TBC1D15: variants seen among roughly 807,000 people sequenced by gnomAD.
TBC1D15 encodes GAP for RAB7.
A neutral mutation model predicts 95.4 loss-of-function variants in TBC1D15; 39 were observed. The ratio of observed to expected loss-of-function variants is 0.41; its 90% CI spans 0.32 to 0.53. TBC1D15 has a LOEUF of 0.53. Ranked by LOEUF, TBC1D15 falls within the 20% of genes least tolerant of loss-of-function variation. The probability of loss-of-function intolerance (pLI) is 0.29; values close to 1 mark genes in which losing one functional copy is unlikely to be tolerated. For missense variants in TBC1D15, 733 were observed against 794.3 expected (o/e 0.92, Z 0.93); for synonymous variants, 258 against 261.3 (o/e 0.99, Z 0.12).
At position 71,893,260 on chromosome 12, in the gene TBC1D15, A is replaced by T. The variant is rs780162356; in HGVS notation, c.593A>T (p.Gln198Leu). Residue 198 changes from glutamine (Q) to leucine (L), a missense_variant, in exon 6 of 17, where the codon CAG (glutamine) becomes CTG (leucine). By Grantham distance (113) the Gln-to-Leu change is moderately radical. Transcript: ENST00000485960. ...QDKRTLLVNCQNKSLSQSFEN... is the reference protein window; with the variant it reads ...QDKRTLLVNCLNKSLSQSFEN... ...AAAAGAACACTTCTTGTGAATTGTC[A>T]GAATAAGAGTCTTTCACAGTCTTTT... 15 of 1,608,648 alleles carry T rather than the reference A, an allele frequency of 9.3e-6. No homozygotes were observed. Among genetic ancestry groups the T allele is most frequent in the Non-Finnish European group, 1.2e-5 (14 of 1,177,598 alleles).
chr12:71,853,316 CCCATAATT>C (rs1300654755), intron 1 of TBC1D15, among the ~76,000 whole-genome samples: 1 of 152,066 alleles, frequency 6.6e-6, no homozygotes, highest in Non-Finnish European at 1.5e-5. Flanking sequence ...AGAAACTGCC[CCCATAATT>C]CCATTACCTC....
At chr12:71,855,432 T>A (rs1241265739) in intron 1 of TBC1D15, among the ~76,000 whole-genome samples, 2 of 152,046 alleles carry the variant, frequency 1.3e-5, no homozygotes, top group Non-Finnish European at 2.9e-5. Flanking sequence ...AATCACAGCT[T>A]AGGTTAAAAA....
At chr12:71,911,496 C>T (rs1902302492) in intron 11 of TBC1D15, among the ~76,000 whole-genome samples, 1 of 151,290 alleles carries the variant, frequency 6.6e-6, no homozygotes, top group Non-Finnish European at 1.5e-5. Flanking sequence ...AACTGGAAAT[C>T]ATCATTCTCA....
At chr12:71,920,239 A>G (rs1868760286) in intron 14 of TBC1D15, among the ~76,000 whole-genome samples, 1 of 152,166 alleles carries the variant, frequency 6.6e-6, no homozygotes, top group Non-Finnish European at 1.5e-5. Context: ...TCAGGGATAA[A>G]ATGTGATACA....
At chr12:71,851,134 C>T (rs939344851) in intron 1 of TBC1D15, among the ~76,000 whole-genome samples, 5 of 151,974 alleles carry the variant, frequency 3.3e-5, no homozygotes, top group Middle Eastern at 3.4e-3. Context: ...AGGAAACTTA[C>T]ATTCATGGTG....
At chr12:71,879,214 C>T (rs540196813) in intron 3 of TBC1D15, among the ~76,000 whole-genome samples, 44 of 151,704 alleles carry the variant, frequency 2.9e-4, no homozygotes, top group Non-Finnish European at 4.9e-4. Flanking sequence ...CTCACTGCAA[C>T]CTCTGACTCC....
intron 1 of TBC1D15, among the ~76,000 whole-genome samples, chr12:71,870,246 C>G (rs1001540251): frequency 6.6e-6 from 1 of 152,102 alleles, no homozygotes; most frequent in Admixed American, 6.5e-5. Flanking sequence ...TTTCCTCCTC[C>G]CCTTCTCCTC....
intron 12 of TBC1D15, among the ~76,000 whole-genome samples, chr12:71,917,443 T>G (rs1333918863): frequency 1.3e-5 from 2 of 152,226 alleles, no homozygotes; most frequent in Non-Finnish European, 2.9e-5. Flanking sequence ...CTGCAGTTGC[T>G]ATGTCTGCAT....
chr12:71,852,557 T>A (rs1328335413), intron 1 of TBC1D15, among the ~76,000 whole-genome samples: 1 of 152,214 alleles, frequency 6.6e-6, no homozygotes, highest in African/African-American at 2.4e-5. Context: ...AGTTCCAGTT[T>A]CAGGTCATTT....
chr12:71,879,767 T>C (rs573886979), intron 3 of TBC1D15, among the ~76,000 whole-genome samples: 7 of 152,360 alleles, frequency 4.6e-5, no homozygotes, highest in Admixed American at 3.9e-4. Flanking sequence ...TGTTTTGATA[T>C]TTGTCTATTT....
intron 11 of TBC1D15, among the ~76,000 whole-genome samples, chr12:71,912,072 A>C (rs1184610565): frequency 1.3e-5 from 2 of 152,182 alleles, no homozygotes; most frequent in Non-Finnish European, 2.9e-5. Context: ...GTACTCTTGC[A>C]CTTTGTTGAA....
At chr12:71,866,136 G>A (rs1184874483) in intron 1 of TBC1D15, among the ~76,000 whole-genome samples, 1 of 152,100 alleles carries the variant, frequency 6.6e-6, no homozygotes, top group Non-Finnish European at 1.5e-5. Flanking sequence ...TTTCACAGCT[G>A]GCTTGGGGAT....
At chr12:71,861,385 A>G in intron 1 of TBC1D15, 1 of 1,357,728 alleles carries the variant, frequency 7.4e-7, no homozygotes, top group Non-Finnish European at 9.7e-7. Flanking sequence ...AACTTACTGT[A>G]CTGTAATTGT....
chr12:71,918,371 G>A (rs1243733405), intron 13 of TBC1D15, 80 bp from the exon 14 acceptor site: 2 of 889,062 alleles, frequency 2.2e-6, no homozygotes, highest in African/African-American at 3.5e-5. Context: ...AGATGCATAG[G>A]AAAGTTAGAG....
chr12:71,868,254 T>C (rs554807069), intron 1 of TBC1D15, among the ~76,000 whole-genome samples: 6 of 150,658 alleles, frequency 4.0e-5, no homozygotes, highest in Admixed American at 2.0e-4. Flanking sequence ...TTTTTTTTTT[T>C]TTTTTTCTCG....
rs576180364 is a variant in TBC1D15, at chr12:71,896,159, T to G, written c.984+84T>G. On this transcript the variant is annotated intron_variant, in intron 8 of 16. Transcript: ENST00000485960. The stretch of plus-strand genomic sequence containing the variant: ...TTGTTATCGTTACTGTTTTGGTGTG[T>G]TTTTTTTTGTTGTTGGTTTTTTTTT... 7.2e-4 allele frequency: 881 copies of G among 1,228,150 alleles called. 2 individuals carry two copies. In the African/African-American group the frequency reaches 0.011, roughly 15 times the overall value. The allele number at this position is 1,228,150 out of a possible 1,614,324, so 76.1% of individuals were successfully genotyped here.
At chr12:71,877,210 G>GTGT (rs1555199445) in intron 3 of TBC1D15, among the ~76,000 whole-genome samples, 9 of 133,876 alleles carry the variant, frequency 6.7e-5, no homozygotes, top group African/African-American at 2.5e-4. Context: ...GTGTGTGTGT[G>GTGT]TTTTTTTTTT....
intron 16 of TBC1D15, among the ~76,000 whole-genome samples, chr12:71,922,577 C>T (rs1355504839): frequency 6.6e-6 from 1 of 152,190 alleles, no homozygotes; most frequent in African/African-American, 2.4e-5. Flanking sequence ...TTCAGTTCTA[C>T]AAACATTTAT....
intron 1 of TBC1D15, among the ~76,000 whole-genome samples, chr12:71,848,429 G>T (rs1886881211): frequency 6.6e-6 from 1 of 152,160 alleles, no homozygotes; most frequent in Non-Finnish European, 1.5e-5. Context: ...TTACATTTCT[G>T]TAATGACTAA....
Sources: gnomAD v4.1 joint callset for allele counts (sites outside exome capture counted in the v4.1 genomes callset) on GRCh38, gnomAD v4.1.1 for gene constraint, MANE v1.5 for transcripts, NCBI Gene and HGNC (gene_info 2026-07-23, HGNC 2026-07-21) for gene names.